Variants in SPAG16 observed in about 807,000 individuals in gnomAD.
SPAG16 encodes sperm associated antigen 16.
Under a neutral mutation model 80.4 loss-of-function variants are expected in SPAG16, and 86 were observed. The observed-to-expected ratio is 1.07, with a 90% CI of 0.90 to 1.28. The LOEUF (loss-of-function observed/expected upper bound fraction) is 1.28, where lower values mean the gene tolerates loss of function less well. SPAG16 is among the 50% of genes most tolerant of loss of function. The pLI, the probability that SPAG16 is intolerant of heterozygous loss-of-function variation, is 0.00. For missense variants in SPAG16, 870 were observed against 765.3 expected (o/e 1.14, Z -1.61); for synonymous variants, 294 against 265.9 (o/e 1.11, Z -1.03).
At chr2:214,059,108 C>T (rs1425588542) in intron 13 of SPAG16, among the ~76,000 whole-genome samples, 1 of 150,128 alleles carries the variant, frequency 6.7e-6, no homozygotes, top group Non-Finnish European at 1.5e-5. Context: ...ACCCAGGAGG[C>T]AGAGGTTGCA....
chr2:213,702,420 C>T (rs1253276261), intron 10 of SPAG16, among the ~76,000 whole-genome samples: 7 of 152,204 alleles, frequency 4.6e-5, no homozygotes, highest in Admixed American at 3.3e-4. Context: ...CTGTAACACT[C>T]ACCGCGAAGG....
intron 14 of SPAG16, among the ~76,000 whole-genome samples, chr2:214,136,059 TCA>T (rs1461986113): frequency 6.6e-6 from 1 of 152,018 alleles, no homozygotes; most frequent in Non-Finnish European, 1.5e-5. Context: ...AGTGTAGCTG[TCA>T]CATGGTGAGA....
At chr2:213,642,333 T>C (rs1005015980) in intron 10 of SPAG16, among the ~76,000 whole-genome samples, 5 of 152,228 alleles carry the variant, frequency 3.3e-5, no homozygotes, top group African/African-American at 1.2e-4. Flanking sequence ...GAGTGGGAGC[T>C]ACAAGTTAGT....
intron 10 of SPAG16, among the ~76,000 whole-genome samples, chr2:213,711,884 A>C (rs1301082528): frequency 6.6e-6 from 1 of 152,118 alleles, no homozygotes; most frequent in Non-Finnish European, 1.5e-5. Flanking sequence ...TTCTAACATC[A>C]AGCTTAGTAC....
chr2:214,125,315 A>AT (rs2054420275), intron 14 of SPAG16, among the ~76,000 whole-genome samples: 1 of 151,646 alleles, frequency 6.6e-6, no homozygotes, highest in African/African-American at 2.4e-5. Context: ...CTGGTTTTCA[A>AT]TTTTTACAGA....
chr2:214,087,479 T>C (rs2051849223), intron 13 of SPAG16, among the ~76,000 whole-genome samples: 1 of 152,126 alleles, frequency 6.6e-6, no homozygotes, highest in South Asian at 2.1e-4. Context: ...ACTGTGCAAG[T>C]TCTTAAAGGT....
chr2:214,009,572 T>G (rs1282392746), intron 12 of SPAG16, among the ~76,000 whole-genome samples: 1 of 152,116 alleles, frequency 6.6e-6, no homozygotes, highest in Non-Finnish European at 1.5e-5. Flanking sequence ...ATAAAAGAGA[T>G]AAAGCAGATT....
chr2:214,303,029 G>A (rs1439794771), intron 15 of SPAG16, among the ~76,000 whole-genome samples: 1 of 152,174 alleles, frequency 6.6e-6, no homozygotes, highest in Admixed American at 6.5e-5. Context: ...TTATGTGAGT[G>A]TCTTGAAGAC....
intron 15 of SPAG16, among the ~76,000 whole-genome samples, chr2:214,353,636 T>A (rs533207208): frequency 3.9e-5 from 6 of 152,276 alleles, no homozygotes; most frequent in Admixed American, 3.9e-4. Context: ...ATGTGGTGTT[T>A]AATCACCCAG....
chr2:214,120,901 GC>G (rs1437186986), intron 14 of SPAG16, among the ~76,000 whole-genome samples: 1 of 151,704 alleles, frequency 6.6e-6, no homozygotes, highest in Non-Finnish European at 1.5e-5. Flanking sequence ...TTGCAACTCA[GC>G]CTAAACATCT....
intron 9 of SPAG16, among the ~76,000 whole-genome samples, chr2:213,464,649 G>A (rs997783084): frequency 5.3e-5 from 8 of 152,146 alleles, no homozygotes; most frequent in African/African-American, 1.9e-4. Flanking sequence ...CTTCTCCCAG[G>A]TAGCCTCCCA....
rs2048434681 is a variant in SPAG16, at chr2:214,031,915, A to G, written c.1527+17838A>G. Among the ~76,000 whole-genome samples, 4 of 152,162 alleles carry G rather than the reference A, an allele frequency of 2.6e-5. No individual in the cohort carries two copies. The South Asian group carries it at 8.3e-4, about 32-fold the overall frequency. ...AGAACCAAGGGGGAAATCTGCCCCCATGATCCAGTCACCTCCCACCAGGCC... is the reference window on the plus strand; with the variant it reads ...AGAACCAAGGGGGAAATCTGCCCCCGTGATCCAGTCACCTCCCACCAGGCC... On this transcript the variant is annotated intron_variant, in intron 13 of 15. Transcript: ENST00000331683.
At chr2:214,236,930 A>G (rs1254792774) in intron 15 of SPAG16, among the ~76,000 whole-genome samples, 2 of 152,132 alleles carry the variant, frequency 1.3e-5, no homozygotes, top group African/African-American at 2.4e-5. Flanking sequence ...TGAATCCTCC[A>G]CCTGGCATTA....
At chr2:213,853,087 C>T (rs181107451) in intron 10 of SPAG16, among the ~76,000 whole-genome samples, 4 of 152,190 alleles carry the variant, frequency 2.6e-5, no homozygotes, top group African/African-American at 9.6e-5. Context: ...CATTTTGATA[C>T]GGATTTATTT....
intron 6 of SPAG16, among the ~76,000 whole-genome samples, chr2:213,348,856 C>T (rs2171623): frequency 0.98 from 148,558 of 152,218 alleles, 72,594 homozygotes; most frequent in East Asian, 1. Flanking sequence ...ATTATGTGTC[C>T]TGGAGTTGCT....
chr2:214,209,328 A>G (rs185384858), intron 15 of SPAG16, among the ~76,000 whole-genome samples: 29 of 152,302 alleles, frequency 1.9e-4, no homozygotes, highest in African/African-American at 7.0e-4. Context: ...TATCTGAGAA[A>G]TGGGAATTTT....
At chr2:214,213,977 A>C (rs1033859172) in intron 15 of SPAG16, among the ~76,000 whole-genome samples, 5 of 152,258 alleles carry the variant, frequency 3.3e-5, no homozygotes, top group African/African-American at 1.2e-4. Flanking sequence ...CCTTCATTTA[A>C]GGTGAAACTC....
rs919560066 is a variant in SPAG16 at position 213,909,757 on chromosome 2, C to T, written c.1215-20203C>T. 2.0e-5 allele frequency among the ~76,000 whole-genome samples: 3 copies of T among 152,158 alleles called. No homozygotes were observed. The East Asian group carries it at 5.8e-4, about 29-fold the overall frequency. ...TGGATTAAAGACTTAAACGTTAGACCAAGATCATTCTTGATGTGGGCTTGT... is the reference window on the plus strand; with the variant it reads ...TGGATTAAAGACTTAAACGTTAGACTAAGATCATTCTTGATGTGGGCTTGT... On this transcript the variant is annotated intron_variant, in intron 11 of 15. Transcript: ENST00000331683.
At chr2:213,804,421 C>G (rs1210443811) in intron 10 of SPAG16, among the ~76,000 whole-genome samples, 1 of 152,146 alleles carries the variant, frequency 6.6e-6, no homozygotes, top group East Asian at 1.9e-4. Context: ...CTGTGGCTGG[C>G]GCCTGTAATC....
Sources: gnomAD v4.1 joint callset for allele counts (sites outside exome capture counted in the v4.1 genomes callset) on GRCh38, gnomAD v4.1.1 for gene constraint, MANE v1.5 for transcripts, NCBI Gene and HGNC (gene_info 2026-07-23, HGNC 2026-07-21) for gene names.